Variants in LRPPRC observed in about 807,000 individuals in gnomAD.
The protein encoded by LRPPRC is leucine rich pentatricopeptide repeat containing.
In LRPPRC, 120 loss-of-function variants were observed where a neutral mutation model predicts 180.3. The ratio of observed to expected loss-of-function variants is 0.67; its 90% CI spans 0.57 to 0.77. The LOEUF (loss-of-function observed/expected upper bound fraction) is 0.77. Ranked by LOEUF, LRPPRC falls within the 30% of genes least tolerant of loss-of-function variation. The pLI is 0.00. For missense variants in LRPPRC, 2,012 were observed against 1,657.2 expected, an observed-to-expected ratio of 1.21 and a Z score of -3.72; for synonymous variants, 723 against 600.0, an observed-to-expected ratio of 1.21 and a Z score of -3.00.
chr2:43,965,872 G>A (rs141493171), intron 11 of LRPPRC, among the ~76,000 whole-genome samples: 5 of 152,286 alleles, frequency 3.3e-5, no homozygotes, highest in African/African-American at 1.2e-4. Flanking sequence ...ATTAGACAGT[G>A]GTGAGGATGG....
At chr2:43,994,321 C>T (rs778987034) in intron 1 of LRPPRC, among the ~76,000 whole-genome samples, 10 of 152,194 alleles carry the variant, frequency 6.6e-5, no homozygotes, top group Non-Finnish European at 1.3e-4. Context: ...TAAATTATTT[C>T]CTCCACGTAA....
At chr2:43,901,559 A>C in intron 31 of LRPPRC, 35 bp from the exon 32 acceptor site, 1 of 1,372,674 alleles carries the variant, frequency 7.3e-7, no homozygotes, top group Non-Finnish European at 1.0e-6. Context: ...CTTTTCTTAT[A>C]TGACCTGTGC....
At chr2:43,995,681 G>T in intron 1 of LRPPRC, 118 bp downstream of exon 1, 1 of 1,006,012 alleles carries the variant, frequency 9.9e-7, no homozygotes, top group Non-Finnish European at 1.3e-6. Context: ...GGGGAGGCTA[G>T]GTCCTGGGGC....
intron 24 of LRPPRC, 131 bp from the exon 25 acceptor site, chr2:43,934,427 A>G: frequency 1.6e-6 from 1 of 634,858 alleles, no homozygotes; most frequent in Non-Finnish European, 2.8e-6. Context: ...CTTAAAGAAT[A>G]TAGCTATATC....
At chr2:43,986,081 T>C (rs970498569) in intron 1 of LRPPRC, among the ~76,000 whole-genome samples, 3 of 152,314 alleles carry the variant, frequency 2.0e-5, no homozygotes, top group African/African-American at 7.2e-5. Flanking sequence ...TCTTTTCGTA[T>C]GCTTATTTGC....
intron 36 of LRPPRC, 27 bp downstream of exon 36, chr2:43,894,518 A>G (rs373565199): frequency 1.3e-5 from 14 of 1,056,886 alleles, no homozygotes; most frequent in South Asian, 2.5e-5. Flanking sequence ...TTAAATAAAT[A>G]ATATAGTCAA....
chr2:43,910,519 G>A (rs2105009672), intron 30 of LRPPRC, among the ~76,000 whole-genome samples: 1 of 152,334 alleles, frequency 6.6e-6, no homozygotes, highest in East Asian at 1.9e-4. Flanking sequence ...ACAGGCATGA[G>A]CCAACGTGCC....
At chr2:43,993,460 G>GA (rs1298046246) in intron 1 of LRPPRC, among the ~76,000 whole-genome samples, 2 of 152,118 alleles carry the variant, frequency 1.3e-5, no homozygotes, top group East Asian at 3.9e-4. Flanking sequence ...CAGTGGATAG[G>GA]AAAGTGAATG....
chr2:43,971,098 CAAA>C (rs140508221), intron 11 of LRPPRC, among the ~76,000 whole-genome samples: 5 of 126,204 alleles, frequency 4.0e-5, no homozygotes, highest in Admixed American at 8.1e-5. Context: ...GAAACTGTGT[CAAA>C]AAAAAAAAAA....
At chr2:43,985,230 GAA>G (rs1339187884) in intron 1 of LRPPRC, among the ~76,000 whole-genome samples, 2 of 151,990 alleles carry the variant, frequency 1.3e-5, no homozygotes, top group African/African-American at 4.8e-5. Context: ...TAGGTTTATA[GAA>G]AAATTGTACT....
At chr2:43,924,283 A>G (rs561390601) in intron 27 of LRPPRC, among the ~76,000 whole-genome samples, 94 of 152,188 alleles carry the variant, frequency 6.2e-4, no homozygotes, top group Non-Finnish European at 1.0e-3. Flanking sequence ...GAAATATCCT[A>G]AAAGAAACTG....
intron 13 of LRPPRC, chr2:43,959,025 C>A: frequency 2.0e-6 from 1 of 504,280 alleles, no homozygotes; most frequent in Non-Finnish European, 3.5e-6. Flanking sequence ...TGACCAGAAA[C>A]ATCTCAGCTA....
chr2:43,985,304 T>C (rs1292568736), intron 1 of LRPPRC, among the ~76,000 whole-genome samples: 1 of 152,224 alleles, frequency 6.6e-6, no homozygotes, highest in Non-Finnish European at 1.5e-5. Context: ...TGCTGTAGTG[T>C]AGTATCTTTG....
At chr2:43,955,401 G>A (rs1263009179) in intron 14 of LRPPRC, among the ~76,000 whole-genome samples, 1 of 150,516 alleles carries the variant, frequency 6.6e-6, no homozygotes, top group Non-Finnish European at 1.5e-5. Flanking sequence ...CTCAGAATTT[G>A]GAGGCTGCAA....
chr2:43,987,459 C>G (rs1674578303), intron 1 of LRPPRC, among the ~76,000 whole-genome samples: 1 of 134,910 alleles, frequency 7.4e-6, no homozygotes, highest in Non-Finnish European at 1.5e-5. Context: ...AGCGTCACTG[C>G]ACTCCAGGCC....
At chr2:43,964,298 T>C (rs945654271) in intron 11 of LRPPRC, among the ~76,000 whole-genome samples, 1 of 152,344 alleles carries the variant, frequency 6.6e-6, no homozygotes, top group East Asian at 1.9e-4. Flanking sequence ...AAATCTCTTT[T>C]AATAACTTCT....
chr2:43,981,672 T>A (rs1047083659), intron 2 of LRPPRC, among the ~76,000 whole-genome samples: 1 of 151,208 alleles, frequency 6.6e-6, no homozygotes, highest in African/African-American at 2.4e-5. Flanking sequence ...AAAAAAAAAA[T>A]CTAAAAATGT....
intron 31 of LRPPRC, chr2:43,903,809 T>C (rs1026422013): frequency 6.6e-6 from 1 of 152,242 alleles, no homozygotes; most frequent in African/African-American, 2.4e-5. Context: ...GAAAAGTGTT[T>C]TGTTCTTATC....
chr2:43,905,662 G>A, intron 31 of LRPPRC, 30 bp downstream of exon 31: 2 of 1,489,454 alleles, frequency 1.3e-6, no homozygotes, highest in Non-Finnish European at 9.4e-7. Flanking sequence ...AGGCATTAAT[G>A]TGACGTAAAG....
Sources: allele counts gnomAD v4.1 joint callset (sites outside exome capture counted in the v4.1 genomes callset), GRCh38; gene constraint gnomAD v4.1.1; transcripts MANE v1.5; gene names NCBI Gene and HGNC (gene_info 2026-07-23, HGNC 2026-07-21).